Variants in SSBP2 observed in about 807,000 individuals in gnomAD.
The protein encoded by SSBP2 is single stranded DNA binding protein 2, also known as single-stranded DNA-binding protein 2.
In SSBP2, 17 loss-of-function variants were observed where a neutral mutation model predicts 61.8. The observed-to-expected ratio is 0.28, with a 90% CI of 0.19 to 0.41. The LOEUF (loss-of-function observed/expected upper bound fraction) is 0.41. Ranked by LOEUF, SSBP2 falls within the 10% of genes least tolerant of loss-of-function variation. The pLI, the probability that SSBP2 is intolerant of heterozygous loss-of-function variation, is 1.00. For missense variants in SSBP2, 310 were observed against 458.7 expected, an observed-to-expected ratio of 0.68 and a Z score of 2.96; for synonymous variants, 139 against 141.3, an observed-to-expected ratio of 0.98 and a Z score of 0.12.
intron 16 of SSBP2, among the ~76,000 whole-genome samples, chr5:81,428,182 CA>C (rs1016415300): frequency 2.5e-4 from 38 of 152,288 alleles, no homozygotes; most frequent in African/African-American, 9.1e-4. Flanking sequence ...ATTTGGCCTT[CA>C]GTCCAGTGAG....
chr5:81,648,693 T>A (rs1052079567), intron 2 of SSBP2, among the ~76,000 whole-genome samples: 11 of 152,178 alleles, frequency 7.2e-5, no homozygotes, highest in South Asian at 4.2e-4. Flanking sequence ...AATTTAAAAT[T>A]TTTTAATTTT....
chr5:81,681,556 AT>A (rs1752389682), intron 1 of SSBP2, among the ~76,000 whole-genome samples: 1 of 151,644 alleles, frequency 6.6e-6, no homozygotes, highest in Admixed American at 6.6e-5. Context: ...ACTTACCAAA[AT>A]TTGTGAAATG....
intron 5 of SSBP2, among the ~76,000 whole-genome samples, chr5:81,492,269 G>A (rs781364152): frequency 2.6e-5 from 4 of 152,126 alleles, no homozygotes; most frequent in South Asian, 4.1e-4. Flanking sequence ...TTGGGAGGCC[G>A]AGGTGGGCAG....
At chr5:81,435,404 T>C (rs1438324523) in intron 15 of SSBP2, among the ~76,000 whole-genome samples, 1 of 152,176 alleles carries the variant, frequency 6.6e-6, no homozygotes, top group African/African-American at 2.4e-5. Context: ...AGAAGACTTT[T>C]CTATGTCCCC....
At chr5:81,579,511 C>A (rs6898782) in intron 4 of SSBP2, among the ~76,000 whole-genome samples, 107,446 of 151,912 alleles carry the variant, frequency 0.71, 38,204 homozygotes, top group East Asian at 0.93. Context: ...ATCACATCAC[C>A]AATGTACAGA....
At chr5:81,551,096 G>GAAAAAA (rs35816072) in intron 4 of SSBP2, among the ~76,000 whole-genome samples, 3 of 80,200 alleles carry the variant, frequency 3.7e-5, no homozygotes, top group East Asian at 4.6e-4. Context: ...ACTCCATCTC[G>GAAAAAA]AAAAAAAAAA....
intron 2 of SSBP2, among the ~76,000 whole-genome samples, chr5:81,647,666 T>G (rs562956256): frequency 1.8e-3 from 270 of 152,232 alleles, no homozygotes; most frequent in African/African-American, 6.2e-3. Context: ...GTTTGACGTC[T>G]CGTGTGAAAG....
At chr5:81,564,684 C>T (rs534241772) in intron 4 of SSBP2, among the ~76,000 whole-genome samples, 1 of 152,160 alleles carries the variant, frequency 6.6e-6, no homozygotes, top group Non-Finnish European at 1.5e-5. Flanking sequence ...CAGGGTTAGT[C>T]TTGTAGTCAG....
chr5:81,472,433 A>G (rs1765309659), intron 8 of SSBP2, among the ~76,000 whole-genome samples: 2 of 152,166 alleles, frequency 1.3e-5, no homozygotes, highest in Admixed American at 6.5e-5. Flanking sequence ...TGCTTGTTCA[A>G]TAAGACCCAT....
Position 81,442,642 on chromosome 5 carries a change from T to C in SSBP2, c.849+11A>G. ...AAATACATTCCAAAAATAAAAAAAG[T>C]TCATATTTACATTAGGTCTGTTAGG... On this transcript the variant is annotated intron_variant, in intron 13 of 16. Coordinates refer to ENST00000320672, the MANE Select transcript of SSBP2 (RefSeq NM_012446.5). The C allele has an allele frequency of 1.3e-6, 2 of 1,493,562 alleles. No homozygotes were observed. The highest frequency in any genetic ancestry group is 1.7e-4 in the Middle Eastern group (1 of 5,824). 92.5% of individuals were successfully genotyped at this position (1,493,562 alleles called of 1,614,324 possible).
chr5:81,526,791 G>A (rs758963311), intron 4 of SSBP2, among the ~76,000 whole-genome samples: 1 of 151,758 alleles, frequency 6.6e-6, no homozygotes, highest in Non-Finnish European at 1.5e-5. Context: ...TAATCTTGGA[G>A]GTGAAAAAGA....
intron 4 of SSBP2, among the ~76,000 whole-genome samples, chr5:81,534,248 C>G (rs1354902592): frequency 6.6e-6 from 1 of 152,072 alleles, no homozygotes; most frequent in Non-Finnish European, 1.5e-5. Context: ...AAGTTACCAC[C>G]ACATTACTGA....
intron 1 of SSBP2, among the ~76,000 whole-genome samples, chr5:81,719,009 C>T (rs770380824): frequency 2.6e-5 from 4 of 152,004 alleles, no homozygotes; most frequent in Non-Finnish European, 5.9e-5. Context: ...TCCATTTTCC[C>T]CCGTTTACAT....
At chr5:81,568,753 T>C (rs1249699145) in intron 4 of SSBP2, among the ~76,000 whole-genome samples, 1 of 152,254 alleles carries the variant, frequency 6.6e-6, no homozygotes, top group African/African-American at 2.4e-5. Flanking sequence ...TTTGTACATA[T>C]ATGACAGAAG....
At chr5:81,583,240 T>C (rs965925296) in intron 4 of SSBP2, among the ~76,000 whole-genome samples, 1 of 151,976 alleles carries the variant, frequency 6.6e-6, no homozygotes, top group Non-Finnish European at 1.5e-5. Context: ...AAATCAAACA[T>C]AAATAATAAA....
intron 1 of SSBP2, among the ~76,000 whole-genome samples, chr5:81,742,100 G>A (rs1039938547): frequency 1.3e-5 from 2 of 152,060 alleles, no homozygotes; most frequent in African/African-American, 4.8e-5. Flanking sequence ...CTAGTCAATG[G>A]AGATACCACC....
chr5:81,633,236 C>T (rs368393600), intron 3 of SSBP2, among the ~76,000 whole-genome samples: 1 of 150,878 alleles, frequency 6.6e-6, no homozygotes, highest in South Asian at 2.1e-4. Context: ...CTGCCTCAAC[C>T]TCCTGAGTAG....
chr5:81,664,707 A>G (rs1486601046), intron 1 of SSBP2, among the ~76,000 whole-genome samples: 1 of 152,364 alleles, frequency 6.6e-6, no homozygotes, highest in East Asian at 1.9e-4. Context: ...TAATTTCTAT[A>G]CACAAACAGG....
chr5:81,610,186 C>T (rs948610912), intron 4 of SSBP2, among the ~76,000 whole-genome samples: 5 of 152,084 alleles, frequency 3.3e-5, no homozygotes, highest in African/African-American at 9.7e-5. Flanking sequence ...GCAGGCAGCA[C>T]GGCTGAGCAA....
Sources: allele counts gnomAD v4.1 joint callset (sites outside exome capture counted in the v4.1 genomes callset), GRCh38; gene constraint gnomAD v4.1.1; transcripts MANE v1.5; gene names NCBI Gene and HGNC (gene_info 2026-07-23, HGNC 2026-07-21).